Variants in SQLE observed in about 807,000 individuals in gnomAD.
SQLE encodes squalene monooxygenase.
In SQLE, 29 loss-of-function variants were observed where a neutral mutation model predicts 60.7. That is an observed-to-expected ratio of 0.48 (90% confidence interval 0.36 to 0.65). The LOEUF (loss-of-function observed/expected upper bound fraction) is 0.65, where lower values mean the gene tolerates loss of function less well. SQLE is among the 30% of genes least tolerant of loss of function. The pLI is 0.00. For missense variants in SQLE, 605 were observed against 684.1 expected, an observed-to-expected ratio of 0.88 and a Z score of 1.29; for synonymous variants, 237 against 246.8, an observed-to-expected ratio of 0.96 and a Z score of 0.37.
chr8:125,014,623 C>T (rs985328289), intron 7 of SQLE, among the ~76,000 whole-genome samples: 1 of 152,100 alleles, frequency 6.6e-6, no homozygotes, highest in African/African-American at 2.4e-5. Context: ...TTATTTCTAT[C>T]AAGAAATTTT....
At position 125,016,739 on chromosome 8, in the gene SQLE, C is replaced by T. The variant is rs1815116800; in HGVS notation, c.1205-1320C>T. Reference sequence around the variant, plus strand: ...TTCGGAGTCTGGGCTTGTTTGTACCCATCTTTCTTGGGAACGCTTTTGAAG... The same window carrying T: ...TTCGGAGTCTGGGCTTGTTTGTACCTATCTTTCTTGGGAACGCTTTTGAAG... On this transcript the variant is annotated intron_variant, in intron 7 of 10. Transcript: ENST00000265896. This position sits in a 1 kb window ranked among gnomAD's most constrained non-coding sequence, Gnocchi z 4.1. 6.6e-6 allele frequency among the ~76,000 whole-genome samples: 1 copy of T among 152,034 alleles called. No individual in the cohort carries two copies. Among genetic ancestry groups the T allele is most frequent in the Admixed American group, 6.6e-5 (1 of 15,258 alleles).
Position 125,003,431 on chromosome 8 carries a change from A to G in SQLE, c.544+3A>G, listed in dbSNP as rs770018586. 4 of 1,613,482 alleles carry G rather than the reference A, an allele frequency of 2.5e-6. No homozygotes were observed. The highest frequency in any genetic ancestry group is 2.2e-5 in the South Asian group (2 of 91,040). ...TCTCAAAGACCTTGGTCTTGGAGGT[A>G]GGTTCATATTGATTTTCAGGAGAGT... On this transcript the variant is annotated splice_donor_region_variant and intron_variant, in intron 2 of 10. Transcript: ENST00000265896.
chr8:125,013,362 T>C (rs67500809), intron 7 of SQLE, among the ~76,000 whole-genome samples: 19 of 64,708 alleles, frequency 2.9e-4, no homozygotes, highest in African/African-American at 1.6e-3. Context: ...TTTTCTTTTT[T>C]TTTTTTTGAG....
At chr8:125,014,011 T>A (rs1815076035) in intron 7 of SQLE, among the ~76,000 whole-genome samples, 1 of 152,356 alleles carries the variant, frequency 6.6e-6, no homozygotes, top group South Asian at 2.1e-4. Context: ...AGTGGCATGA[T>A]TAGACTTTTA....
At chr8:125,011,877 T>TTTTTTTTTTTTTTTTG (rs1554587933) in intron 7 of SQLE, among the ~76,000 whole-genome samples, 1 of 149,332 alleles carries the variant, frequency 6.7e-6, no homozygotes, top group African/African-American at 2.5e-5. Context: ...GGCAATTTTC[T>TTTTTTTTTTTTTTTTG]ACTTAGGAAT....
At chr8:125,007,939 A>T (rs1814980696) in intron 4 of SQLE, among the ~76,000 whole-genome samples, 2 of 152,220 alleles carry the variant, frequency 1.3e-5, no homozygotes, top group South Asian at 4.1e-4. Flanking sequence ...ACAGTAATAT[A>T]CATCAGCAGA....
intron 1 of SQLE, 48 bp from the exon 2 acceptor site, chr8:125,003,128 G>A: frequency 6.6e-7 from 1 of 1,523,152 alleles, no homozygotes; most frequent in Middle Eastern, 1.8e-4. Context: ...AGCATGATTT[G>A]AATCTAACAA....
intron 2 of SQLE, 74 bp downstream of exon 2, chr8:125,003,502 A>G (rs571614009): frequency 1.4e-6 from 2 of 1,479,336 alleles, no homozygotes; most frequent in Admixed American, 4.6e-5. Flanking sequence ...TCCTATGACC[A>G]GTAAGAAGGT....
intron 2 of SQLE, among the ~76,000 whole-genome samples, chr8:125,005,299 C>A (rs375965257): frequency 6.6e-6 from 1 of 152,080 alleles, no homozygotes; most frequent in Non-Finnish European, 1.5e-5. Context: ...AATTACAGAC[C>A]TGAAATAGTT....
In SQLE at chr8:125,007,432, A is replaced by G. The variant is rs757897281; in HGVS notation, c.767A>G (p.Glu256Gly). ...IEGVVLQLLE[E>G]DDVVMGVQYK... ...GGTGTTGTGTTACAGTTATTAGAGG[A>G]AGATGATGTTGTGATGGGAGTTCAG... is the stretch of plus-strand genomic sequence containing the variant. The change falls in exon 4 of 11, where the codon GAA (glutamate) becomes GGA (glycine). Residue 256 changes from glutamate to glycine, a missense_variant. Coordinates refer to ENST00000265896, the MANE Select transcript of SQLE (RefSeq NM_003129.4). The G allele has an allele frequency of 8.0e-5, 125 of 1,557,148 alleles. No individual in the cohort carries two copies. Among genetic ancestry groups the G allele is most frequent in the Non-Finnish European group, 1.1e-4 (124 of 1,149,660 alleles).
chr8:124,998,924 G>GA lies in SQLE; in HGVS notation c.-479dup. 1 of 357,244 alleles carries GA rather than the reference G, an allele frequency of 2.8e-6. No homozygotes were observed. Among genetic ancestry groups the GA allele is most frequent in the South Asian group, 8.2e-5 (1 of 12,254 alleles). The allele number at this position is 357,244 out of a possible 1,614,324, so 22.1% of individuals were successfully genotyped here. A position where few individuals can be genotyped will look rare whatever the true frequency, so the allele number is the denominator to read the frequency against. ...TTCCGGCCGCTGCTCGCCGTCGCCA[G>GA]AGGCTAGGCCACGTTTCCCCCAGTG... On this transcript the variant is annotated 5_prime_UTR_variant, in exon 1 of 11. Transcript: ENST00000265896.
At chr8:125,009,133 T>C (rs1815001943) in intron 5 of SQLE, 39 bp from the exon 6 acceptor site, 1 of 1,569,648 alleles carries the variant, frequency 6.4e-7, no homozygotes, top group Non-Finnish European at 8.6e-7. Flanking sequence ...AACTTGAAAT[T>C]TGAAAATTAT....
rs1563595752 is a variant in SQLE at position 125,003,156 on chromosome 8, A to G, written c.292-20A>G. The G allele has an allele frequency of 2.7e-6, 4 of 1,472,806 alleles. No individual in the cohort carries two copies. In the Admixed American group the frequency reaches 6.6e-5, roughly 24 times the overall value. The allele number at this position is 1,472,806 out of a possible 1,614,324, so 91.2% of individuals were successfully genotyped here. ...TCTAACAAATTTGGATACCTAGTTTACCTTTTTTTTTTTAAACAGCGCAGA... is the reference window on the plus strand; with the variant it reads ...TCTAACAAATTTGGATACCTAGTTTGCCTTTTTTTTTTTAAACAGCGCAGA... On this transcript the variant is annotated intron_variant, in intron 1 of 10. Transcript: ENST00000265896.
chr8:125,020,670 T>C (rs944751080), intron 9 of SQLE, 114 bp from the exon 10 acceptor site: 10 of 663,302 alleles, frequency 1.5e-5, no homozygotes, highest in Admixed American at 5.0e-5. Context: ...GGACTAGATA[T>C]TTAAAAATTA....
rs1368331476 is a variant in SQLE, at chr8:125,003,344, A to C, written c.460A>C (p.Arg154=). Residue 154 remains arginine, a synonymous_variant, in exon 2 of 11, where the codon AGA becomes CGA. Coordinates refer to ENST00000265896, the MANE Select transcript of SQLE (RefSeq NM_003129.4). ...TGGAAGAAAGGTGACAGTCATTGAG[A>C]GAGACTTAAAAGAGCCTGACAGAAT... ...RDGRKVTVIE[R]DLKEPDRIVG... 2 of 1,613,978 alleles carry C rather than the reference A, an allele frequency of 1.2e-6. No individual in the cohort carries two copies. The highest frequency in any genetic ancestry group is 8.5e-7 in the Non-Finnish European group (1 of 1,179,894).
chr8:125,014,100 T>C (rs1178487565), intron 7 of SQLE, among the ~76,000 whole-genome samples: 1 of 145,196 alleles, frequency 6.9e-6, no homozygotes, highest in Non-Finnish European at 1.5e-5. Context: ...AGATTAATTA[T>C]TCTGTCAATG....
intron 1 of SQLE, among the ~76,000 whole-genome samples, chr8:125,000,238 A>G (rs1563594772): frequency 6.6e-6 from 1 of 152,204 alleles, no homozygotes; most frequent in Non-Finnish European, 1.5e-5. Context: ...GTCCTAACAT[A>G]AAGGCCAGGT....
intron 8 of SQLE, 63 bp from the exon 9 acceptor site, chr8:125,018,568 T>C: frequency 9.3e-7 from 1 of 1,077,674 alleles, no homozygotes; most frequent in South Asian, 1.5e-5. Flanking sequence ...TTGAGGGGAT[T>C]ATAAACATCA....
rs149077875 is a variant in SQLE, at chr8:125,007,372, A to AT, written c.726-10dup. 2.9e-4 allele frequency: 421 copies of AT among 1,466,306 alleles called. 1 individual carries two copies. The highest frequency in any genetic ancestry group is 8.0e-4 in the South Asian group (61 of 76,218). 90.8% of individuals were successfully genotyped at this position (1,466,306 alleles called of 1,614,324 possible). ...CTGAAATGTGCTGCTTTAGAAATGT[A>AT]TTTTTTTTTATTCTTTAGTGCAAAG... is the stretch of plus-strand genomic sequence containing the variant. On this transcript the variant is annotated intron_variant, in intron 3 of 10. Coordinates refer to ENST00000265896, the MANE Select transcript of SQLE (RefSeq NM_003129.4).
Sources: allele counts gnomAD v4.1 joint callset (sites outside exome capture counted in the v4.1 genomes callset), GRCh38; gene constraint gnomAD v4.1.1; non-coding constraint Gnocchi (gnomAD v3.1); transcripts MANE v1.5; gene names NCBI Gene and HGNC (gene_info 2026-07-23, HGNC 2026-07-21).